The following DIP2A variants were observed in gnomAD, a reference collection of about 807,000 sequenced individuals.
DIP2A encodes the protein disco-interacting protein 2 homolog A.
In DIP2A, 85 loss-of-function variants were observed where a neutral mutation model predicts 177.4. That is an observed-to-expected ratio of 0.48 (90% CI 0.40 to 0.57). The LOEUF (loss-of-function observed/expected upper bound fraction) is 0.57, where lower values mean the gene tolerates loss of function less well. Ranked by LOEUF, DIP2A falls within the 20% of genes least tolerant of loss-of-function variation. The pLI is 0.00. For synonymous variants in DIP2A, 886 were observed against 881.8 expected (o/e 1.00, Z -0.08); for missense variants, 1,791 against 2,100.2 (o/e 0.85, Z 2.88).
At chr21:46,500,751 G>A (rs890859441) in intron 5 of DIP2A, among the ~76,000 whole-genome samples, 1 of 152,216 alleles carries the variant, frequency 6.6e-6, no homozygotes. Context: ...CAGTGATTGT[G>A]GGGTGTCTTT....
At chr21:46,474,334 T>A (rs1215163863) in intron 1 of DIP2A, among the ~76,000 whole-genome samples, 1 of 152,194 alleles carries the variant, frequency 6.6e-6, no homozygotes, top group African/African-American at 2.4e-5. Context: ...GCTAGTAATT[T>A]GGAAGTCATC....
At chr21:46,501,062 GT>G (rs1257104186) in intron 5 of DIP2A, among the ~76,000 whole-genome samples, 3 of 152,068 alleles carry the variant, frequency 2.0e-5, no homozygotes, top group Non-Finnish European at 2.9e-5. Flanking sequence ...GTTGGACATA[GT>G]TAATTTGAAT....
In DIP2A at chr21:46,554,471, C is replaced by G; in HGVS notation, c.3155-104C>G. On this transcript the variant is annotated intron_variant, in intron 26 of 37. Transcript: ENST00000417564. ...TGTGGAAACCCAGGAGTCACCCATG[C>G]CCCCCCAGCACCACCTCCCCTCCTC... The G allele has an allele frequency of 7.8e-6, 12 of 1,541,314 alleles. No individual in the cohort carries two copies. The Admixed American group carries it at 9.4e-5, about 12-fold the overall frequency.
intron 3 of DIP2A, 139 bp from the exon 4 acceptor site, chr21:46,496,849 G>C: frequency 1.4e-6 from 1 of 738,368 alleles, no homozygotes; most frequent in Non-Finnish European, 2.0e-6. Flanking sequence ...AAGAAATCTA[G>C]GACCAACATG....
chr21:46,541,480 A>G (rs2059815238), intron 17 of DIP2A, among the ~76,000 whole-genome samples: 1 of 152,182 alleles, frequency 6.6e-6, no homozygotes, highest in Non-Finnish European at 1.5e-5. Context: ...ATCGGGTAGA[A>G]GCTGAATTGA....
intron 3 of DIP2A, among the ~76,000 whole-genome samples, chr21:46,495,372 G>A (rs554982493): frequency 6.6e-6 from 1 of 150,614 alleles, no homozygotes; most frequent in South Asian, 2.1e-4. Context: ...GGGTTCAAAC[G>A]ATTTTCCTGC....
chr21:46,482,733 T>G (rs185680040), intron 1 of DIP2A, among the ~76,000 whole-genome samples: 1 of 152,258 alleles, frequency 6.6e-6, no homozygotes, highest in Non-Finnish European at 1.5e-5. Flanking sequence ...GAATGGGTTT[T>G]TAGAAATTGT....
intron 18 of DIP2A, among the ~76,000 whole-genome samples, chr21:46,542,726 G>A (rs963352973): frequency 6.6e-6 from 1 of 152,210 alleles, no homozygotes; most frequent in Non-Finnish European, 1.5e-5. Flanking sequence ...TGGGGTTCAC[G>A]GGCAGCTGTC....
chr21:46,573,645 C>CA (rs201994694), downstream of DIP2A, among the ~76,000 whole-genome samples: 57 of 52,974 alleles, frequency 1.1e-3, 7 homozygotes, highest in African/African-American at 2.2e-3. Context: ...CCCTCTCTCA[C>CA]AAAAAAAAAA....
In DIP2A at chr21:46,538,493, G is replaced by T; in HGVS notation, c.1812G>T (p.Ala604=). ...ATCCTCTCTCTGCAGCTCGGGCCGC[G>T]CTGGTGAAGTCGCGAGACATGCACT... ...QKVCFYKARA[A]LVKSRDMHWS... is the part of the protein sequence containing the mutation. Residue 604 remains alanine (A), a synonymous_variant, in exon 16 of 38, where the codon GCG becomes GCT. Transcript: ENST00000417564. The T allele has an allele frequency of 6.5e-7, 1 of 1,546,772 alleles. No individual in the cohort carries two copies.
chr21:46,476,167 C>A (rs781241291), intron 1 of DIP2A, among the ~76,000 whole-genome samples: 1 of 151,554 alleles, frequency 6.6e-6, no homozygotes, highest in South Asian at 2.1e-4. Context: ...GGTGTGAACC[C>A]GGGAGGCGGA....
intron 34 of DIP2A, among the ~76,000 whole-genome samples, chr21:46,562,114 G>A (rs2060686051): frequency 6.6e-6 from 1 of 152,218 alleles, no homozygotes; most frequent in Non-Finnish European, 1.5e-5. Context: ...ATGGAGGGGG[G>A]TTCCGGCCCA....
the DIP2A span, among the ~76,000 whole-genome samples, chr21:46,582,728 C>G: frequency 1.3e-5 from 2 of 152,026 alleles, no homozygotes; most frequent in Non-Finnish European, 2.9e-5. Flanking sequence ...GTGGGAGCCA[C>G]CAATGGCAGC....
At chr21:46,559,530 G>A (rs568960534) in intron 32 of DIP2A, among the ~76,000 whole-genome samples, 7 of 152,322 alleles carry the variant, frequency 4.6e-5, no homozygotes, top group South Asian at 4.1e-4. Flanking sequence ...AGAGGAGATC[G>A]GGCGGGAGCC....
chr21:46,511,112 A>G (rs557876324), intron 7 of DIP2A, among the ~76,000 whole-genome samples: 2 of 152,172 alleles, frequency 1.3e-5, no homozygotes, highest in South Asian at 2.1e-4. Flanking sequence ...CAGAGGTGCC[A>G]CAGTCCTGTC....
intron 6 of DIP2A, among the ~76,000 whole-genome samples, chr21:46,508,353 C>CTT (rs571637777): frequency 0.097 from 8,735 of 90,320 alleles, 709 homozygotes; most frequent in Non-Finnish European, 0.14. Flanking sequence ...TGGCCAATGA[C>CTT]TTTTTTTTTT....
chr21:46,558,024 G>A (rs2060528603), intron 31 of DIP2A, among the ~76,000 whole-genome samples, 199 bp from the exon 32 acceptor site: 1 of 152,214 alleles, frequency 6.6e-6, no homozygotes, highest in Admixed American at 6.5e-5. Flanking sequence ...TGGGAGGGCA[G>A]GTGTGGGATG....
chr21:46,556,745 TTTA>T lies in DIP2A; in HGVS notation c.3499-193_3499-191del. 3.6e-6 allele frequency: 2 copies of T among 556,110 alleles called. No homozygotes were observed. The highest frequency in any genetic ancestry group is 6.3e-5 in the South Asian group (2 of 31,848). 34.4% of individuals were successfully genotyped at this position (556,110 alleles called of 1,614,324 possible). A position where few individuals can be genotyped will look rare whatever the true frequency, so the allele number is the denominator to read the frequency against. ...ACCCTGAAATTTTGTTTCAAAGATTTTTAGTGTACCATTTCTTGGGTATTATTT... is the reference window on the plus strand; with the variant it reads ...ACCCTGAAATTTTGTTTCAAAGATTTGTGTACCATTTCTTGGGTATTATTT... On this transcript the variant is annotated intron_variant, in intron 29 of 37. Coordinates refer to ENST00000417564, the MANE Select transcript of DIP2A (RefSeq NM_015151.4). The surrounding 1 kb of genome is among the most constrained non-coding windows in gnomAD (Gnocchi z 4.5).
At chr21:46,506,784 T>TA (rs2058031736) in intron 6 of DIP2A, among the ~76,000 whole-genome samples, 1 of 146,606 alleles carries the variant, frequency 6.8e-6, no homozygotes, top group Non-Finnish European at 1.5e-5. Context: ...TTTCTTTTCT[T>TA]TCTTTTCTTT....
Sources: gnomAD v4.1 joint callset for allele counts (sites outside exome capture counted in the v4.1 genomes callset) on GRCh38, gnomAD v4.1.1 for gene constraint, Gnocchi (gnomAD v3.1) non-coding constraint, MANE v1.5 for transcripts, NCBI Gene and HGNC (gene_info 2026-07-23, HGNC 2026-07-21) for gene names.